The following TMX1 variants were observed in gnomAD, a reference collection of about 807,000 sequenced individuals.
TMX1 encodes thioredoxin related transmembrane protein 1, also known as thioredoxin-related transmembrane protein 1.
In TMX1, 25 loss-of-function variants were observed where a neutral mutation model predicts 36.6. The observed-to-expected ratio is 0.68, with a 90% CI of 0.50 to 0.95. TMX1 has a LOEUF of 0.95. Ranked by LOEUF, TMX1 falls within the 40% of genes least tolerant of loss-of-function variation. The pLI, the probability that TMX1 is intolerant of heterozygous loss-of-function variation, is 0.00. For missense variants in TMX1, 347 were observed against 339.6 expected, an observed-to-expected ratio of 1.02 and a Z score of -0.17; for synonymous variants, 133 against 118.0, an observed-to-expected ratio of 1.13 and a Z score of -0.82.
chr14:51,251,800 A>G (rs1318330886), intron 7 of TMX1, among the ~76,000 whole-genome samples: 1 of 152,160 alleles, frequency 6.6e-6, no homozygotes, highest in Non-Finnish European at 1.5e-5. Context: ...GAAGTTCTGT[A>G]TTGGGGCCAA....
intron 3 of TMX1, among the ~76,000 whole-genome samples, chr14:51,246,210 C>G (rs966595161): frequency 1.4e-4 from 21 of 152,188 alleles, no homozygotes; most frequent in African/African-American, 5.1e-4. Flanking sequence ...CCTTCAGTCT[C>G]TCCCTTTGCT....
At chr14:51,253,807 A>G (rs2065825836) in intron 7 of TMX1, 1 of 152,310 alleles carries the variant, frequency 6.6e-6, no homozygotes, top group Admixed American at 6.5e-5. Context: ...ATGGACAGAA[A>G]TACAACCTTC....
In TMX1 at chr14:51,256,748, T is replaced by C. The variant is rs1209558800; in HGVS notation, c.*2229T>C. On this transcript the variant is annotated 3_prime_UTR_variant, in exon 8 of 8. Transcript: ENST00000457354. ...TACCAAGTACCTACTGGAGCTTTGT[T>C]GTTTTCTTGTATTTATTAATTTAGT... is the stretch of plus-strand genomic sequence containing the variant. The C allele has an allele frequency of 6.6e-6, 1 of 152,190 alleles. No individual in the cohort carries two copies. Among genetic ancestry groups the C allele is most frequent in the Non-Finnish European group, 1.5e-5 (1 of 68,022 alleles). The allele number at this position is 152,190 out of a possible 1,614,324, so 9.4% of individuals were successfully genotyped here.
At position 51,255,062 on chromosome 14, in the gene TMX1, TACATTA is replaced by T. The variant is rs892517390; in HGVS notation, c.*545_*550del. 1.3e-5 allele frequency: 2 copies of T among 152,110 alleles called. No individual in the cohort carries two copies. Among genetic ancestry groups the T allele is most frequent in the African/African-American group, 4.8e-5 (2 of 41,446 alleles). The allele number at this position is 152,110 out of a possible 1,614,324, so 9.4% of individuals were successfully genotyped here. A position where few individuals can be genotyped will look rare whatever the true frequency, so the allele number is the denominator to read the frequency against. On this transcript the variant is annotated 3_prime_UTR_variant, in exon 8 of 8. Coordinates refer to ENST00000457354, the MANE Select transcript of TMX1 (RefSeq NM_030755.5). ...GTTATGCAACTAATAAAAACTACCTTACATTAATTAATTACAGTTTTCTACACATGG... is the reference window on the plus strand; with the variant it reads ...GTTATGCAACTAATAAAAACTACCTTATTAATTACAGTTTTCTACACATGG...
At chr14:51,246,080 C>CT (rs1566710399) in intron 3 of TMX1, among the ~76,000 whole-genome samples, 1 of 151,626 alleles carries the variant, frequency 6.6e-6, no homozygotes, top group Non-Finnish European at 1.5e-5. Flanking sequence ...GCCCTTTTTT[C>CT]TTTTTTTTAT....
chr14:51,240,307 G>GAGTCTTGCAGTTCCCCTGGC lies in TMX1; in HGVS notation c.20_39dup (p.Val15GlnfsTer41). The GAGTCTTGCAGTTCCCCTGGC allele has an allele frequency of 6.2e-7, 1 of 1,612,136 alleles. No individual in the cohort carries two copies. Among genetic ancestry groups the GAGTCTTGCAGTTCCCCTGGC allele is most frequent in the Non-Finnish European group, 8.5e-7 (1 of 1,179,836 alleles). ...CAAGCGGCGAAATGGCGCCCTCCGG[G>GAGTCTTGCAGTTCCCCTGGC]AGTCTTGCAGTTCCCCTGGCAGTCC... is the stretch of plus-strand genomic sequence containing the variant. On this transcript the variant is annotated frameshift_variant, in exon 1 of 8. Coordinates refer to ENST00000457354, the MANE Select transcript of TMX1 (RefSeq NM_030755.5). LOFTEE classifies it high-confidence loss of function.
chr14:51,243,845 G>A lies in TMX1; in HGVS notation c.153-11G>A, dbSNP rs1238615115. On this transcript the variant is annotated splice_polypyrimidine_tract_variant and intron_variant, in intron 1 of 7. Transcript: ENST00000457354. Reference sequence around the variant, plus strand: ...CTTAACTTTTTTTAAAAAAAAATCTGTATTTCTTAGTTATGCCCCGTGGTG... The same window carrying A: ...CTTAACTTTTTTTAAAAAAAAATCTATATTTCTTAGTTATGCCCCGTGGTG... The A allele has an allele frequency of 3.2e-6, 5 of 1,579,714 alleles. No homozygotes were observed. The Admixed American group carries it at 9.4e-5, about 30-fold the overall frequency.
chr14:51,245,337 C>T lies in TMX1; in HGVS notation c.293C>T (p.Thr98Ile). Reference sequence around the variant, plus strand: ...GGACTGAGTGGACGGTTTATCATAACTGCTCTTCCTACTATTTATCAGTAA... The same window carrying T: ...GGACTGAGTGGACGGTTTATCATAATTGCTCTTCCTACTATTTATCAGTAA... Reference protein sequence around the residue: ...QPGLSGRFIITALPTIYHCKD... With the variant: ...QPGLSGRFIIIALPTIYHCKD... Residue 98 changes from threonine to isoleucine, a missense_variant, in exon 3 of 8, where the codon ACT (threonine) becomes ATT (isoleucine). Physicochemically the swap from Thr to Ile is moderately conservative, Grantham distance 89. Coordinates refer to ENST00000457354, the MANE Select transcript of TMX1 (RefSeq NM_030755.5). The T allele has an allele frequency of 6.2e-7, 1 of 1,613,978 alleles. No individual in the cohort carries two copies. Among genetic ancestry groups the T allele is most frequent in the African/African-American group, 1.3e-5 (1 of 75,064 alleles).
chr14:51,245,332 C>T lies in TMX1; in HGVS notation c.288C>T (p.Ile96=), dbSNP rs1377022728. 2 of 1,613,794 alleles carry T rather than the reference C, an allele frequency of 1.2e-6. No homozygotes were observed. Among genetic ancestry groups the T allele is most frequent in the African/African-American group, 2.7e-5 (2 of 74,906 alleles). Reference sequence around the variant, plus strand: ...TTGTAGGACTGAGTGGACGGTTTATCATAACTGCTCTTCCTACTATTTATC... The same window carrying T: ...TTGTAGGACTGAGTGGACGGTTTATTATAACTGCTCTTCCTACTATTTATC... The part of the protein sequence containing the change: ...TEQPGLSGRF[I]ITALPTIYHC... The change falls in exon 3 of 8, where the codon ATC becomes ATT. Residue 96 remains isoleucine (I), a synonymous_variant. Coordinates refer to ENST00000457354, the MANE Select transcript of TMX1 (RefSeq NM_030755.5).
Position 51,254,603 on chromosome 14 carries a change from C to A in TMX1, c.*84C>A. ...TTGTTTGGTTTGAAGTGAACTGTGA[C>A]TTTTTTGAATATTGCAGGGTTCAGT... is the stretch of plus-strand genomic sequence containing the variant. On this transcript the variant is annotated 3_prime_UTR_variant, in exon 8 of 8. Coordinates refer to ENST00000457354, the MANE Select transcript of TMX1 (RefSeq NM_030755.5). 1 of 1,290,838 alleles carries A rather than the reference C, an allele frequency of 7.7e-7. No homozygotes were observed. The highest frequency in any genetic ancestry group is 1.1e-6 in the Non-Finnish European group (1 of 938,534). 80.0% of individuals were successfully genotyped at this position (1,290,838 alleles called of 1,614,324 possible).
chr14:51,250,923 T>C (rs1365303043), intron 7 of TMX1, among the ~76,000 whole-genome samples: 1 of 152,152 alleles, frequency 6.6e-6, no homozygotes, highest in Non-Finnish European at 1.5e-5. Flanking sequence ...GTTGCATTGA[T>C]ACTAAAAAGG....
chr14:51,242,588 G>A (rs1248039341), intron 1 of TMX1, among the ~76,000 whole-genome samples: 1 of 152,030 alleles, frequency 6.6e-6, no homozygotes, highest in African/African-American at 2.4e-5. Context: ...TGACAGCCTG[G>A]GCAACATGGC....
rs557067077 is a variant in TMX1 at position 51,257,370 on chromosome 14, G to T, written c.*2851G>T. On this transcript the variant is annotated 3_prime_UTR_variant, in exon 8 of 8. Transcript: ENST00000457354. ...ATTAAAATTATTGAGTGAACATTTT[G>T]GCTCATATTTTATGACATTGTAGTT... 2.0e-5 allele frequency: 3 copies of T among 152,140 alleles called. No homozygotes were observed. The highest frequency in any genetic ancestry group is 4.4e-5 in the Non-Finnish European group (3 of 67,986). The allele number at this position is 152,140 out of a possible 1,614,324, so 9.4% of individuals were successfully genotyped here.
chr14:51,241,319 T>C (rs1441739611), intron 1 of TMX1, among the ~76,000 whole-genome samples: 1 of 152,226 alleles, frequency 6.6e-6, no homozygotes, highest in Non-Finnish European at 1.5e-5. Context: ...GGTGGTATTA[T>C]ACATATTAGC....
intron 3 of TMX1, among the ~76,000 whole-genome samples, chr14:51,246,427 G>A (rs2065786091): frequency 6.6e-6 from 1 of 152,114 alleles, no homozygotes. Context: ...GTGGATAAAG[G>A]GTCCCTTAAC....
Position 51,240,330 on chromosome 14 carries a change from T to G in TMX1, c.38T>G (p.Val13Gly), listed in dbSNP as rs2065754122. Reference sequence around the variant, plus strand: ...GGGAGTCTTGCAGTTCCCCTGGCAGTCCTGGTGCTGTTGCTTTGGGGTGCT... The same window carrying G: ...GGGAGTCTTGCAGTTCCCCTGGCAGGCCTGGTGCTGTTGCTTTGGGGTGCT... ...PSGSLAVPLA[V>G]LVLLLWGAPW... is the part of the protein sequence containing the mutation. The change falls in exon 1 of 8, where the codon GTC (valine) becomes GGC (glycine). Residue 13 changes from valine (V) to glycine (G), a missense_variant. Coordinates refer to ENST00000457354, the MANE Select transcript of TMX1 (RefSeq NM_030755.5). 1 of 1,613,590 alleles carries G rather than the reference T, an allele frequency of 6.2e-7. No homozygotes were observed. The highest frequency in any genetic ancestry group is 2.2e-5 in the East Asian group (1 of 44,878).
At chr14:51,247,501 T>A (rs1327917310) in intron 4 of TMX1, among the ~76,000 whole-genome samples, 2 of 151,488 alleles carry the variant, frequency 1.3e-5, no homozygotes, top group African/African-American at 4.9e-5. Flanking sequence ...GGACTACAGG[T>A]GCCCACCGCC....
intron 1 of TMX1, among the ~76,000 whole-genome samples, chr14:51,241,638 C>T (rs1021262020): frequency 6.6e-6 from 1 of 152,010 alleles, no homozygotes; most frequent in African/African-American, 2.4e-5. Context: ...TGACTTGAGC[C>T]CAGGGGTTCA....
chr14:51,251,905 A>G (rs2065815919), intron 7 of TMX1, among the ~76,000 whole-genome samples: 1 of 152,196 alleles, frequency 6.6e-6, no homozygotes, highest in African/African-American at 2.4e-5. Context: ...GTGGTTACCA[A>G]TGGGAAAATC....
Sources: allele counts gnomAD v4.1 joint callset (sites outside exome capture counted in the v4.1 genomes callset), GRCh38; gene constraint gnomAD v4.1.1; transcripts MANE v1.5; gene names NCBI Gene and HGNC (gene_info 2026-07-23, HGNC 2026-07-21).